PLPPR1: variants seen among roughly 807,000 people sequenced by gnomAD.
PLPPR1 encodes phospholipid phosphatase related 1.
A neutral mutation model predicts 33.1 loss-of-function variants in PLPPR1; 10 were observed. The observed-to-expected ratio is 0.30, with a 90% CI of 0.19 to 0.51. The LOEUF is 0.51. PLPPR1 is among the 20% of genes least tolerant of loss of function. The pLI, the probability that PLPPR1 is intolerant of heterozygous loss-of-function variation, is 0.97. For synonymous variants in PLPPR1, 151 were observed against 151.0 expected (o/e 1.00, Z 0.00); for missense variants, 304 against 408.1 (o/e 0.74, Z 2.20).
intron 4 of PLPPR1, among the ~76,000 whole-genome samples, chr9:101,289,150 G>C (rs982469745): frequency 3.3e-5 from 5 of 152,100 alleles, no homozygotes; most frequent in Admixed American, 2.6e-4. Flanking sequence ...CACATGTGCT[G>C]CTCCTTCAGC....
intron 1 of PLPPR1, among the ~76,000 whole-genome samples, chr9:101,108,582 A>G (rs1017814299): frequency 6.6e-6 from 1 of 152,258 alleles, no homozygotes; most frequent in African/African-American, 2.4e-5. Context: ...AGAACTGTCC[A>G]GGCATACAAG....
chr9:101,257,779 C>G (rs571735708), intron 2 of PLPPR1, among the ~76,000 whole-genome samples: 4 of 152,192 alleles, frequency 2.6e-5, no homozygotes, highest in African/African-American at 9.6e-5. Context: ...CCCACCATAG[C>G]CCATCCATAA....
At chr9:101,248,551 A>C (rs1015025784) in intron 2 of PLPPR1, among the ~76,000 whole-genome samples, 8 of 152,102 alleles carry the variant, frequency 5.3e-5, no homozygotes, top group Non-Finnish European at 1.5e-5. Flanking sequence ...AGAGAGGATA[A>C]AAGTGAGAAA....
At chr9:101,265,074 G>A (rs764740525) in intron 2 of PLPPR1, among the ~76,000 whole-genome samples, 6 of 152,116 alleles carry the variant, frequency 3.9e-5, no homozygotes, top group Non-Finnish European at 7.4e-5. Flanking sequence ...GTTGGAAAAG[G>A]TTCTCATCCT....
Position 101,269,893 on chromosome 9 carries a change from C to T in PLPPR1, c.77C>T (p.Ala26Val), listed in dbSNP as rs1465004638. The part of the protein sequence containing the change: ...CFIFVELVIM[A>V]GTVLLAYYFE... ...CTGTATTTTCAGCTTGTCATCATGGCTGGGACAGTGCTGCTTGCCTACTAC... is the reference window on the plus strand; with the variant it reads ...CTGTATTTTCAGCTTGTCATCATGGTTGGGACAGTGCTGCTTGCCTACTAC... Residue 26 changes from alanine (A) to valine (V), a missense_variant, in exon 3 of 8, where the codon GCT (alanine) becomes GTT (valine). Ala to Val is a moderately conservative substitution (Grantham distance 64). Coordinates refer to ENST00000374874, the MANE Select transcript of PLPPR1 (RefSeq NM_207299.2). The T allele has an allele frequency of 6.2e-7, 1 of 1,613,966 alleles. No homozygotes were observed. The highest frequency in any genetic ancestry group is 1.3e-5 in the African/African-American group (1 of 74,934).
intron 2 of PLPPR1, among the ~76,000 whole-genome samples, chr9:101,205,952 G>T (rs1826581999): frequency 6.6e-6 from 1 of 152,142 alleles, no homozygotes; most frequent in Admixed American, 6.5e-5. Context: ...AGAAGGATAT[G>T]ATCTATATCT....
intron 1 of PLPPR1, among the ~76,000 whole-genome samples, chr9:101,128,384 T>A (rs1472159028): frequency 1.3e-5 from 2 of 152,208 alleles, no homozygotes; most frequent in African/African-American, 2.4e-5. Flanking sequence ...TGCATATAAA[T>A]CATTTTTTCC....
chr9:101,177,146 GA>G (rs1383203032), intron 1 of PLPPR1, among the ~76,000 whole-genome samples: 1 of 151,974 alleles, frequency 6.6e-6, no homozygotes, highest in East Asian at 1.9e-4. Context: ...CTATTTCTGT[GA>G]AAAATGCCAC....
chr9:101,177,524 A>G (rs1274301688), intron 1 of PLPPR1, among the ~76,000 whole-genome samples: 2 of 152,186 alleles, frequency 1.3e-5, no homozygotes, highest in African/African-American at 4.8e-5. Flanking sequence ...CTTCCACCAT[A>G]CTAGGTTTTA....
At position 101,072,559 on chromosome 9, in the gene PLPPR1, G is replaced by C. The variant is rs564198739; in HGVS notation, c.-46+43457G>C. 2.0e-5 allele frequency among the ~76,000 whole-genome samples: 3 copies of C among 152,252 alleles called. No homozygotes were observed. In the South Asian group the frequency reaches 6.2e-4, roughly 32 times the overall value. ...TGTGCCACAAGTAATGAAGTTGAGA[G>C]AGAAAGATTAACTGAGGGAATAGAG... On this transcript the variant is annotated intron_variant, in intron 1 of 7. Transcript: ENST00000374874.
intron 1 of PLPPR1, among the ~76,000 whole-genome samples, chr9:101,128,284 A>T (rs1289770178): frequency 6.6e-6 from 1 of 152,214 alleles, no homozygotes; most frequent in Non-Finnish European, 1.5e-5. Context: ...CTTCACTGGA[A>T]TCATGATTCT....
At chr9:101,310,695 A>G (rs1399428786) in intron 5 of PLPPR1, among the ~76,000 whole-genome samples, 1 of 152,236 alleles carries the variant, frequency 6.6e-6, no homozygotes, top group Non-Finnish European at 1.5e-5. Context: ...TAATTAATAC[A>G]CAGTCATTCT....
intron 2 of PLPPR1, among the ~76,000 whole-genome samples, chr9:101,218,801 A>AC (rs1808096686): frequency 6.6e-6 from 1 of 152,352 alleles, no homozygotes; most frequent in Non-Finnish European, 1.5e-5. Flanking sequence ...AACCATTAAA[A>AC]CACGGATAAT....
chr9:101,224,380 C>T (rs1458929554), intron 2 of PLPPR1, among the ~76,000 whole-genome samples: 2 of 152,084 alleles, frequency 1.3e-5, no homozygotes, highest in Admixed American at 1.3e-4. Flanking sequence ...TAAAAGCTTC[C>T]ATTTTGATGA....
chr9:101,107,887 A>T (rs1830995711), intron 1 of PLPPR1, among the ~76,000 whole-genome samples: 1 of 151,162 alleles, frequency 6.6e-6, no homozygotes. Context: ...AAAGCACAAT[A>T]TTCGGGTGGG....
At chr9:101,323,104 A>G (rs915838165) in intron 7 of PLPPR1, among the ~76,000 whole-genome samples, 1 of 152,238 alleles carries the variant, frequency 6.6e-6, no homozygotes, top group African/African-American at 2.4e-5. Context: ...TTAAAACATT[A>G]CATTAAAAAT....
chr9:101,088,651 G>A (rs1027173577), intron 1 of PLPPR1, among the ~76,000 whole-genome samples: 2 of 152,074 alleles, frequency 1.3e-5, no homozygotes, highest in Admixed American at 6.5e-5. Flanking sequence ...TAAGTAATCA[G>A]CAATAAAATT....
intron 1 of PLPPR1, among the ~76,000 whole-genome samples, chr9:101,031,753 T>C (rs1829948234): frequency 6.6e-6 from 1 of 152,130 alleles, no homozygotes; most frequent in Non-Finnish European, 1.5e-5. Context: ...GAAAAATGAA[T>C]AGTCTTTTAC....
intron 1 of PLPPR1, among the ~76,000 whole-genome samples, chr9:101,157,174 C>T (rs1279304137): frequency 6.6e-6 from 1 of 152,148 alleles, no homozygotes; most frequent in Non-Finnish European, 1.5e-5. Flanking sequence ...TTGGTCCCCA[C>T]TTCACCTGAT....
Sources: allele counts gnomAD v4.1 joint callset (sites outside exome capture counted in the v4.1 genomes callset), GRCh38; gene constraint gnomAD v4.1.1; transcripts MANE v1.5; gene names NCBI Gene and HGNC (gene_info 2026-07-23, HGNC 2026-07-21).